The following MGAT4C variants were observed in gnomAD, a reference collection of about 807,000 sequenced individuals.
The protein encoded by MGAT4C is alpha-1,3-mannosyl-glycoprotein 4-beta-N-acetylglucosaminyltransferase C.
A neutral mutation model predicts 40.1 loss-of-function variants in MGAT4C; 19 were observed. That is an observed-to-expected ratio of 0.47 (90% CI 0.33 to 0.70). The LOEUF (loss-of-function observed/expected upper bound fraction) is 0.70. Among genes scored for constraint, MGAT4C ranks in the 30% least tolerant of loss-of-function variants. The pLI, the probability that MGAT4C is intolerant of heterozygous loss-of-function variation, is 0.02. For missense variants in MGAT4C, 491 were observed against 563.2 expected (o/e 0.87, Z 1.30); for synonymous variants, 181 against 187.1 (o/e 0.97, Z 0.27).
At chr12:86,618,681 C>T (rs1041578301) in intron 2 of MGAT4C, among the ~76,000 whole-genome samples, 2 of 151,896 alleles carry the variant, frequency 1.3e-5, no homozygotes, top group Non-Finnish European at 2.9e-5. Context: ...GGAGGGTGTG[C>T]GTCTGTGGTG....
intron 2 of MGAT4C, among the ~76,000 whole-genome samples, chr12:86,447,193 T>C (rs1386558130): frequency 6.6e-6 from 1 of 152,142 alleles, no homozygotes; most frequent in African/African-American, 2.4e-5. Flanking sequence ...TGGTGCAATC[T>C]CGGCTCACCG....
intron 3 of MGAT4C, among the ~76,000 whole-genome samples, chr12:86,434,160 A>G (rs1021638199): frequency 6.6e-6 from 1 of 152,030 alleles, no homozygotes; most frequent in Non-Finnish European, 1.5e-5. Flanking sequence ...AGCAACTTAA[A>G]AAGAATAAAA....
intron 2 of MGAT4C, among the ~76,000 whole-genome samples, chr12:86,622,362 T>C (rs1962665388): frequency 6.6e-6 from 1 of 152,120 alleles, no homozygotes; most frequent in South Asian, 2.1e-4. Flanking sequence ...CTCAAGTCAC[T>C]ACTAATTTCA....
chr12:86,574,469 T>G (rs1273145992), intron 2 of MGAT4C, among the ~76,000 whole-genome samples: 1 of 151,812 alleles, frequency 6.6e-6, no homozygotes, highest in East Asian at 1.9e-4. Context: ...ATTTTACAAT[T>G]AAGTAATCCT....
intron 1 of MGAT4C, among the ~76,000 whole-genome samples, chr12:86,230,387 T>A (rs1951264501): frequency 6.6e-6 from 1 of 152,108 alleles, no homozygotes; most frequent in African/African-American, 2.4e-5. Context: ...TCAGATAACA[T>A]CAATATAAGT....
intron 2 of MGAT4C, among the ~76,000 whole-genome samples, chr12:86,450,268 A>G (rs1167045818): frequency 6.6e-6 from 1 of 152,018 alleles, no homozygotes; most frequent in African/African-American, 2.4e-5. Flanking sequence ...ATGATGAATG[A>G]GGTTGAGCAC....
intron 1 of MGAT4C, among the ~76,000 whole-genome samples, chr12:86,126,235 TAA>T (rs1326842484): frequency 6.6e-6 from 1 of 151,980 alleles, no homozygotes; most frequent in East Asian, 1.9e-4. Context: ...ACTTTAAAAA[TAA>T]AGTGTCTCAT....
chr12:86,780,726 A>C (rs923526578), intron 1 of MGAT4C, among the ~76,000 whole-genome samples: 3 of 152,186 alleles, frequency 2.0e-5, no homozygotes, highest in African/African-American at 7.2e-5. Context: ...AGAAAGAACT[A>C]ATACATGGGC....
chr12:86,470,017 C>T (rs1957735901), intron 2 of MGAT4C, among the ~76,000 whole-genome samples: 1 of 151,922 alleles, frequency 6.6e-6, no homozygotes, highest in Non-Finnish European at 1.5e-5. Flanking sequence ...CTTTTAAAAG[C>T]CTAAATAGTA....
intron 3 of MGAT4C, among the ~76,000 whole-genome samples, chr12:85,986,768 T>C (rs2136706067): frequency 6.6e-6 from 1 of 152,220 alleles, no homozygotes; most frequent in South Asian, 2.1e-4. Flanking sequence ...GTTCAGATAA[T>C]TTTATTAAAA....
chr12:86,450,696 A>C (rs998606846), intron 2 of MGAT4C, among the ~76,000 whole-genome samples: 1 of 152,000 alleles, frequency 6.6e-6, no homozygotes, highest in Non-Finnish European at 1.5e-5. Context: ...CTGGTGATCA[A>C]GCTTCTTTCT....
intron 1 of MGAT4C, among the ~76,000 whole-genome samples, chr12:86,174,228 C>T (rs1317771191): frequency 4.6e-5 from 7 of 151,740 alleles, no homozygotes; most frequent in African/African-American, 1.2e-4. Flanking sequence ...TATTATTGCA[C>T]GGAATTTACC....
At chr12:86,545,879 T>A (rs1959190379) in intron 2 of MGAT4C, among the ~76,000 whole-genome samples, 1 of 152,050 alleles carries the variant, frequency 6.6e-6, no homozygotes, top group Non-Finnish European at 1.5e-5. Flanking sequence ...AAGTTCTATT[T>A]CTTTTATGAA....
intron 3 of MGAT4C, among the ~76,000 whole-genome samples, chr12:86,425,880 C>A (rs1956915757): frequency 6.6e-6 from 1 of 152,088 alleles, no homozygotes; most frequent in Non-Finnish European, 1.5e-5. Flanking sequence ...TTCTAATTTG[C>A]AAATGACTTA....
intron 2 of MGAT4C, among the ~76,000 whole-genome samples, chr12:86,589,775 A>G (rs1961244117): frequency 6.6e-6 from 1 of 152,060 alleles, no homozygotes; most frequent in South Asian, 2.1e-4. Flanking sequence ...AGTGTACTCC[A>G]GCATATAAAC....
chr12:86,119,058 C>G (rs1167991961), intron 1 of MGAT4C, among the ~76,000 whole-genome samples: 1 of 151,902 alleles, frequency 6.6e-6, no homozygotes, highest in Non-Finnish European at 1.5e-5. Context: ...AACAGTAGAA[C>G]TCAAGAGAGC....
At chr12:86,144,158 G>A (rs1279527001) in intron 1 of MGAT4C, among the ~76,000 whole-genome samples, 5 of 152,092 alleles carry the variant, frequency 3.3e-5, no homozygotes, top group African/African-American at 7.2e-5. Flanking sequence ...TGTACTTTAC[G>A]TTTTTTACAT....
In MGAT4C at chr12:86,308,388, G is replaced by A. The variant is rs1171845714; in HGVS notation, c.-57+25677C>T. 2.0e-5 allele frequency among the ~76,000 whole-genome samples: 3 copies of A among 150,414 alleles called. 1 individual carries two copies. Among genetic ancestry groups the A allele is most frequent in the African/African-American group, 7.5e-5 (3 of 39,902 alleles). On this transcript the variant is annotated intron_variant, in intron 4 of 7. Transcript: ENST00000548651. ...TTATATCAGTTTCTTTACAAATACA[G>A]ATTTCTGAAAGGTTTGAATTTACAC...
At chr12:86,119,581 G>A (rs1879022124) in intron 1 of MGAT4C, among the ~76,000 whole-genome samples, 1 of 151,748 alleles carries the variant, frequency 6.6e-6, no homozygotes, top group Non-Finnish European at 1.5e-5. Context: ...CTAATTTTTT[G>A]TATTTTTAGT....
Sources: allele counts gnomAD v4.1 joint callset (sites outside exome capture counted in the v4.1 genomes callset), GRCh38; gene constraint gnomAD v4.1.1; transcripts MANE v1.5; gene names NCBI Gene and HGNC (gene_info 2026-07-23, HGNC 2026-07-21).